The following FREM1 variants were observed in gnomAD, a reference collection of about 807,000 sequenced individuals.
FREM1 encodes FRAS1 related extracellular matrix 1.
FREM1 carries 220 observed loss-of-function variants against 210.1 expected under a neutral mutation model. That is an observed-to-expected ratio of 1.05 (90% CI 0.94 to 1.17). The LOEUF (loss-of-function observed/expected upper bound fraction) is 1.17, where lower values mean the gene tolerates loss of function less well. Among genes scored for constraint, FREM1 ranks in the 50% most tolerant of loss-of-function variants. The pLI is 0.00. For missense variants in FREM1, 3,454 were observed against 2,675.5 expected, an observed-to-expected ratio of 1.29 and a Z score of -6.42; for synonymous variants, 1,189 against 980.2, an observed-to-expected ratio of 1.21 and a Z score of -3.98.
intron 8 of FREM1, among the ~76,000 whole-genome samples, chr9:14,843,853 T>A (rs1384021221): frequency 6.6e-6 from 1 of 152,162 alleles, no homozygotes; most frequent in East Asian, 1.9e-4. Context: ...TCAAGCCTAT[T>A]TGAAAATTAC....
At chr9:14,838,326 T>C (rs766396636) in intron 10 of FREM1, among the ~76,000 whole-genome samples, 1 of 152,198 alleles carries the variant, frequency 6.6e-6, no homozygotes, top group Non-Finnish European at 1.5e-5. Flanking sequence ...CTGAAAGTTA[T>C]GAATTTTGTT....
intron 22 of FREM1, 146 bp from the exon 23 acceptor site, chr9:14,789,260 G>A (rs1850901534): frequency 1.1e-5 from 6 of 533,060 alleles, no homozygotes; most frequent in Non-Finnish European, 1.9e-5. Context: ...CACTTTACCT[G>A]ATTTTTTTTT....
intron 1 of FREM1, among the ~76,000 whole-genome samples, chr9:14,872,291 T>C (rs1832824479): frequency 6.6e-6 from 1 of 152,192 alleles, no homozygotes; most frequent in African/African-American, 2.4e-5. Flanking sequence ...TGATTCTTCC[T>C]ACCCATGAGC....
intron 28 of FREM1, 107 bp downstream of exon 28, chr9:14,759,664 AT>A: frequency 9.3e-7 from 1 of 1,072,480 alleles, no homozygotes; most frequent in East Asian, 2.5e-5. Context: ...TCTCCCTGCA[AT>A]TTGAAATTTC....
chr9:14,841,060 G>C (rs1212478962), intron 10 of FREM1, among the ~76,000 whole-genome samples: 1 of 152,148 alleles, frequency 6.6e-6, no homozygotes, highest in African/African-American at 2.4e-5. Flanking sequence ...AAGGAAACTG[G>C]AGCATGGGTT....
At chr9:14,776,778 C>A (rs1294967704) in intron 24 of FREM1, among the ~76,000 whole-genome samples, 1 of 152,164 alleles carries the variant, frequency 6.6e-6, no homozygotes, top group Non-Finnish European at 1.5e-5. Context: ...TCATCTTCCC[C>A]TTCCAGGCCT....
Position 14,746,458 on chromosome 9 carries a change from T to A in FREM1, c.6149A>T (p.Asp2050Val), listed in dbSNP as rs1224308089. 3 of 1,611,990 alleles carry A rather than the reference T, an allele frequency of 1.9e-6. No individual in the cohort carries two copies. Among genetic ancestry groups the A allele is most frequent in the Non-Finnish European group, 2.5e-6 (3 of 1,178,244 alleles). Residue 2050 changes from aspartate to valine, a missense_variant, in exon 35 of 37, where the codon GAC (aspartate) becomes GTC (valine). Transcript: ENST00000380880. ...GTGCCACCCGGCTGGACAGGATTTG[T>A]CTTCCACATCCTGAAAAACAGTTGT... is the stretch of plus-strand genomic sequence containing the variant. ...AWSPQTKDVEDKSCPAGWHQH... is the reference protein window; with the variant it reads ...AWSPQTKDVEVKSCPAGWHQH...
intron 12 of FREM1, 76 bp from the exon 13 acceptor site, chr9:14,823,403 A>G: frequency 7.7e-7 from 1 of 1,305,774 alleles, no homozygotes; most frequent in African/African-American, 1.5e-5. Flanking sequence ...CAAGAGAACC[A>G]TCATGTTAAT....
chr9:14,785,284 A>C lies in FREM1; in HGVS notation c.4178-650T>G, dbSNP rs182191104. 4.6e-5 allele frequency among the ~76,000 whole-genome samples: 7 copies of C among 152,364 alleles called. No individual in the cohort carries two copies. The East Asian group carries it at 1.4e-3, about 29-fold the overall frequency. On this transcript the variant is annotated intron_variant, in intron 23 of 36. Coordinates refer to ENST00000380880, the MANE Select transcript of FREM1 (RefSeq NM_001379081.2). Reference sequence around the variant, plus strand: ...TGAATGAACTACAGCTACATGGAACAACACAGATGTAGTTTATTAACATTC... The same window carrying C: ...TGAATGAACTACAGCTACATGGAACCACACAGATGTAGTTTATTAACATTC...
At chr9:14,816,035 A>G (rs1820243753) in intron 15 of FREM1, among the ~76,000 whole-genome samples, 1 of 152,092 alleles carries the variant, frequency 6.6e-6, no homozygotes, top group Non-Finnish European at 1.5e-5. Flanking sequence ...TGGTACAGGA[A>G]CTCACAAAGA....
At chr9:14,774,256 G>A (rs774736957) in intron 25 of FREM1, 13 of 468,282 alleles carry the variant, frequency 2.8e-5, no homozygotes, top group Non-Finnish European at 5.0e-5. Flanking sequence ...ATGGGATTAC[G>A]TTTACATCAG....
chr9:14,777,762 G>C (rs796707507), intron 24 of FREM1, among the ~76,000 whole-genome samples: 20 of 152,230 alleles, frequency 1.3e-4, no homozygotes, highest in African/African-American at 4.8e-4. Context: ...CAGGGTTTGA[G>C]CATTGATCCT....
At position 14,842,329 on chromosome 9, in the gene FREM1, C is replaced by A; in HGVS notation, c.1725G>T (p.Gly575=). 1 of 1,584,340 alleles carries A rather than the reference C, an allele frequency of 6.3e-7. No homozygotes were observed. The highest frequency in any genetic ancestry group is 8.6e-7 in the Non-Finnish European group (1 of 1,163,536). ...PQAGEIMKKP[G]PGLIGYPVHG... ...CCCAGAACTTACCTATCAGTCCTGG[C>A]CCTGGCTTCTTCATGATCTCCCCAG... The change falls in exon 9 of 37, where the codon GGG becomes GGT. Residue 575 remains glycine, a synonymous_variant. Transcript: ENST00000380880.
At chr9:14,761,334 T>A (rs888626692) in intron 27 of FREM1, among the ~76,000 whole-genome samples, 6 of 152,188 alleles carry the variant, frequency 3.9e-5, no homozygotes, top group African/African-American at 1.2e-4. Flanking sequence ...CATGGAATTA[T>A]TACAGGGGCT....
intron 27 of FREM1, 42 bp downstream of exon 27, chr9:14,769,682 G>A: frequency 6.3e-7 from 1 of 1,588,468 alleles, no homozygotes; most frequent in Non-Finnish European, 8.6e-7. Context: ...GATACATTAT[G>A]GATGTAACAT....
intron 24 of FREM1, among the ~76,000 whole-genome samples, chr9:14,777,389 A>G (rs963731870): frequency 1.3e-4 from 15 of 114,946 alleles, no homozygotes; most frequent in Admixed American, 1.1e-3. Context: ...CCAAAAAGTT[A>G]GGAAATCGTT....
rs774226613 is a variant in FREM1, at chr9:14,819,419, C to T, written c.2361G>A (p.Val787=). The change falls in exon 14 of 37, where the codon GTG becomes GTA. Residue 787 remains valine, a synonymous_variant. Coordinates refer to ENST00000380880, the MANE Select transcript of FREM1 (RefSeq NM_001379081.2). ...TGATGATGCTTTGACCTCCCTCAGT[C>T]ACTTTCAGAGGGTTGGTGAACGCCT... ...VPEAFTNPLK[V]TEGGQSIIST... is the part of the protein sequence containing the mutation. The T allele has an allele frequency of 7.4e-6, 12 of 1,611,874 alleles. No individual in the cohort carries two copies. The East Asian group carries it at 2.0e-4, about 27-fold the overall frequency.
At chr9:14,794,192 G>A (rs570592590) in intron 21 of FREM1, among the ~76,000 whole-genome samples, 32 of 152,308 alleles carry the variant, frequency 2.1e-4, no homozygotes, top group Middle Eastern at 3.4e-3. Flanking sequence ...ATTTATTTGT[G>A]AAGTGATTCC....
chr9:14,892,811 C>G (rs1837080043), intron 1 of FREM1, among the ~76,000 whole-genome samples: 1 of 152,150 alleles, frequency 6.6e-6, no homozygotes, highest in South Asian at 2.1e-4. Context: ...CTTCACCTTC[C>G]CCACTCTGCC....
Sources: allele counts gnomAD v4.1 joint callset (sites outside exome capture counted in the v4.1 genomes callset), GRCh38; gene constraint gnomAD v4.1.1; transcripts MANE v1.5; gene names NCBI Gene and HGNC (gene_info 2026-07-23, HGNC 2026-07-21).